The following HDAC8 variants were observed in gnomAD, a reference collection of about 807,000 sequenced individuals.
HDAC8 encodes the protein histone deacetylase-like 1.
In HDAC8, 1 loss-of-function variant was observed where a neutral mutation model predicts 32.2. The ratio of observed to expected loss-of-function variants is 0.03; its 90% CI spans 0.01 to 0.15. HDAC8 has a LOEUF of 0.15. HDAC8 is among the 10% of genes least tolerant of loss of function. The pLI is 1.00. For missense variants in HDAC8, 117 were observed against 300.0 expected (o/e 0.39, Z 4.51); for synonymous variants, 108 against 113.9 (o/e 0.95, Z 0.33).
chrX:72,530,996 C>A (rs1415522644), intron 4 of HDAC8, among the ~76,000 whole-genome samples: 2 of 111,446 alleles, frequency 1.8e-5, no homozygotes. Flanking sequence ...TAGCAGTTTT[C>A]CAGGAGGAGA....
intron 5 of HDAC8, among the ~76,000 whole-genome samples, chrX:72,492,218 GGACCAATCAT>G (rs2048892588): frequency 8.9e-6 from 1 of 112,086 alleles, no homozygotes; most frequent in Non-Finnish European, 1.9e-5. Context: ...ATTTACACTT[GGACCAATCAT>G]GTATGAGAGT....
chrX:72,544,302 A>G (rs1556047796), intron 4 of HDAC8, among the ~76,000 whole-genome samples: 1 of 111,830 alleles, frequency 8.9e-6, no homozygotes, highest in African/African-American at 3.3e-5. Context: ...CTGCGACAGG[A>G]CAATATCCCA....
chrX:72,521,026 G>C (rs2049964400), intron 4 of HDAC8, among the ~76,000 whole-genome samples: 1 of 112,179 alleles, frequency 8.9e-6, no homozygotes, highest in African/African-American at 3.2e-5. Context: ...TGTTTAACCT[G>C]GTGACTGCCA....
chrX:72,383,333 G>C (rs1465310367), intron 9 of HDAC8, among the ~76,000 whole-genome samples: 2 of 112,086 alleles, frequency 1.8e-5, no homozygotes, highest in Non-Finnish European at 3.8e-5. Context: ...GGAATTCATG[G>C]ATTTATGGAT....
At chrX:72,518,868 T>C (rs1556026859) in intron 4 of HDAC8, among the ~76,000 whole-genome samples, 4 of 112,307 alleles carry the variant, frequency 3.6e-5, no homozygotes, top group African/African-American at 1.3e-4. Context: ...CTCAACAATA[T>C]ACATTTAAGT....
chrX:72,362,331 C>A (rs782443016), intron 9 of HDAC8, among the ~76,000 whole-genome samples: 1 of 111,947 alleles, frequency 8.9e-6, no homozygotes, highest in East Asian at 2.8e-4. Context: ...CCTTTGCCTT[C>A]CACCATGATT....
At chrX:72,569,250 G>A (rs782547485) in intron 2 of HDAC8, among the ~76,000 whole-genome samples, 3 of 112,143 alleles carry the variant, frequency 2.7e-5, no homozygotes, top group South Asian at 3.7e-4. Context: ...AACCAGTTGC[G>A]AATTGGGCTA....
chrX:72,358,049 C>T (rs1240317111), intron 9 of HDAC8, among the ~76,000 whole-genome samples: 1 of 109,535 alleles, frequency 9.1e-6, no homozygotes, highest in Admixed American at 9.8e-5. Flanking sequence ...GGATTATAGG[C>T]GCGCACCACC....
intron 8 of HDAC8, among the ~76,000 whole-genome samples, chrX:72,462,643 G>A (rs782229966): frequency 1.1e-4 from 12 of 111,959 alleles, no homozygotes; most frequent in Non-Finnish European, 2.3e-4. Flanking sequence ...CCTGGTGGCA[G>A]AGATCAAAGA....
At chrX:72,487,734 A>G (rs1438527666) in intron 7 of HDAC8, among the ~76,000 whole-genome samples, 1 of 106,888 alleles carries the variant, frequency 9.4e-6, no homozygotes, top group Non-Finnish European at 1.9e-5. Flanking sequence ...GTTATGGTAA[A>G]AAAAAAAAAA....
At chrX:72,410,560 C>T (rs2046162344) in intron 9 of HDAC8, among the ~76,000 whole-genome samples, 1 of 111,874 alleles carries the variant, frequency 8.9e-6, no homozygotes, top group African/African-American at 3.2e-5. Flanking sequence ...CTCTTATCAA[C>T]CTGGCCTCTC....
chrX:72,463,774 A>G (rs889196854), intron 8 of HDAC8, among the ~76,000 whole-genome samples: 13 of 111,765 alleles, frequency 1.2e-4, no homozygotes, highest in Admixed American at 1.9e-4. Context: ...ACAGGTTGAC[A>G]AAACAACCAA....
intron 9 of HDAC8, among the ~76,000 whole-genome samples, chrX:72,461,635 A>G (rs1320482869): frequency 9.0e-6 from 1 of 111,222 alleles, no homozygotes; most frequent in African/African-American, 3.3e-5. Flanking sequence ...GAAACTTCTT[A>G]AAAAAAAGAT....
chrX:72,550,497 C>A (rs907748780), intron 4 of HDAC8, among the ~76,000 whole-genome samples: 1 of 110,776 alleles, frequency 9.0e-6, no homozygotes, highest in Non-Finnish European at 1.9e-5. Context: ...TGACATTTCA[C>A]ACTGTGACCT....
At chrX:72,337,825 A>T (rs1443348481) in intron 10 of HDAC8, among the ~76,000 whole-genome samples, 1 of 110,890 alleles carries the variant, frequency 9.0e-6, no homozygotes, top group Non-Finnish European at 1.9e-5. Context: ...TCCTACCACC[A>T]CCCTCCTTGC....
At chrX:72,385,907 C>A (rs1406887158) in intron 9 of HDAC8, among the ~76,000 whole-genome samples, 2 of 112,046 alleles carry the variant, frequency 1.8e-5, no homozygotes, top group Admixed American at 1.9e-4. Flanking sequence ...TCTGCCAGGT[C>A]CACAGTGTCT....
intron 9 of HDAC8, among the ~76,000 whole-genome samples, chrX:72,434,641 A>G (rs1194915280): frequency 1.8e-5 from 2 of 112,070 alleles, no homozygotes; most frequent in Non-Finnish European, 3.8e-5. Flanking sequence ...TACACTTATT[A>G]GGCACTCACT....
intron 5 of HDAC8, among the ~76,000 whole-genome samples, chrX:72,494,349 A>C (rs971573120): frequency 1.4e-4 from 15 of 109,459 alleles, no homozygotes; most frequent in African/African-American, 4.0e-4. Flanking sequence ...CTATGCCTTG[A>C]TTATGTTAGT....
At chrX:72,330,293 C>T (rs186054127) in intron 10 of HDAC8, among the ~76,000 whole-genome samples, 60 of 111,576 alleles carry the variant, frequency 5.4e-4, no homozygotes, top group Admixed American at 9.5e-4. Flanking sequence ...CAACCACCAG[C>T]CAATTACTGG....
Sources: gnomAD v4.1 joint callset for allele counts (sites outside exome capture counted in the v4.1 genomes callset) on GRCh38, gnomAD v4.1.1 for gene constraint, MANE v1.5 for transcripts, NCBI Gene and HGNC (gene_info 2026-07-23, HGNC 2026-07-21) for gene names.